Variants in COL6A2 observed in about 807,000 individuals in gnomAD.
The protein encoded by COL6A2 is collagen type VI alpha 2 chain.
In COL6A2, 90 loss-of-function variants were observed where a neutral mutation model predicts 124.9. The ratio of observed to expected loss-of-function variants is 0.72; its 90% CI spans 0.61 to 0.86. The LOEUF (loss-of-function observed/expected upper bound fraction) is 0.86. Ranked by LOEUF, COL6A2 falls within the 40% of genes least tolerant of loss-of-function variation. COL6A2 has a pLI of 0.00. For synonymous variants in COL6A2, 793 were observed against 618.2 expected (o/e 1.28, Z -4.19); for missense variants, 1,607 against 1,502.5 (o/e 1.07, Z -1.15).
chr21:46,125,250 G>T lies in COL6A2; in HGVS notation c.1771-16G>T. On this transcript the variant is annotated splice_polypyrimidine_tract_variant and intron_variant, in intron 23 of 27. Transcript: ENST00000300527. ...GGGCCCCGGGGGGACTACCCTGCCT[G>T]CCGTGTGCATTGCAGGAGTGTGACG... 1.2e-6 allele frequency: 2 copies of T among 1,611,460 alleles called. No individual in the cohort carries two copies. Among genetic ancestry groups the T allele is most frequent in the Non-Finnish European group, 1.7e-6 (2 of 1,179,024 alleles).
intron 27 of COL6A2, among the ~76,000 whole-genome samples, chr21:46,127,233 A>AGACAGGGTG (rs2078685367): frequency 6.6e-6 from 1 of 152,028 alleles, no homozygotes; most frequent in East Asian, 1.9e-4. Context: ...GATGCCATGG[A>AGACAGGGTG]GACAGGGTGG....
intron 17 of COL6A2, 32 bp downstream of exon 17, chr21:46,121,155 T>C: frequency 6.2e-7 from 1 of 1,608,588 alleles, no homozygotes. Flanking sequence ...CGGTGCCCTC[T>C]GACCCCACGG....
rs1163833370 is a variant in COL6A2, at chr21:46,116,147, G to A, written c.900+94G>A. ...GCCCAGCCTCGGCCTCAGCCTCTAC[G>A]ACCCTCCCCCCAGTTACCAAGGAAC... On this transcript the variant is annotated intron_variant, in intron 7 of 27. Coordinates refer to ENST00000300527, the MANE Select transcript of COL6A2 (RefSeq NM_001849.4). This position sits in a 1 kb window ranked among gnomAD's most constrained non-coding sequence, Gnocchi z 4.6. The A allele has an allele frequency of 1.9e-5, 25 of 1,325,828 alleles. No individual in the cohort carries two copies. Among genetic ancestry groups the A allele is most frequent in the Non-Finnish European group, 2.3e-5 (22 of 944,904 alleles). The allele number at this position is 1,325,828 out of a possible 1,614,324, so 82.1% of individuals were successfully genotyped here. A position where few individuals can be genotyped will look rare whatever the true frequency, so the allele number is the denominator to read the frequency against.
chr21:46,116,923 G>GCAGACACA lies in COL6A2; in HGVS notation c.999+111_999+112insGACACACA. The GCAGACACA allele has an allele frequency of 1.6e-6, 1 of 643,324 alleles. No homozygotes were observed. The highest frequency in any genetic ancestry group is 2.5e-6 in the Non-Finnish European group (1 of 401,796). The allele number at this position is 643,324 out of a possible 1,614,324, so 39.9% of individuals were successfully genotyped here. On this transcript the variant is annotated intron_variant, in intron 10 of 27. Coordinates refer to ENST00000300527, the MANE Select transcript of COL6A2 (RefSeq NM_001849.4). This position sits in a 1 kb window ranked among gnomAD's most constrained non-coding sequence, Gnocchi z 4.6. Reference sequence around the variant, plus strand: ...TGTCAGCTTACACATGTGTACACACGCATACACACACACACACACACACAC... The same window carrying GCAGACACA: ...TGTCAGCTTACACATGTGTACACACGCAGACACACATACACACACACACACACACACAC...
At chr21:46,127,923 G>C (rs1209981741) in intron 27 of COL6A2, among the ~76,000 whole-genome samples, 1 of 152,220 alleles carries the variant, frequency 6.6e-6, no homozygotes, top group Non-Finnish European at 1.5e-5. Flanking sequence ...CCAGCCCTGC[G>C]TGCCCGGGAT....
At chr21:46,129,731 A>C in intron 27 of COL6A2, 1 of 1,384,944 alleles carries the variant, frequency 7.2e-7, no homozygotes, top group Non-Finnish European at 9.3e-7. Context: ...CGCTCTCTTT[A>C]TAAGAACCCT....
intron 1 of COL6A2, among the ~76,000 whole-genome samples, chr21:46,105,952 G>C (rs1407167447): frequency 1.3e-5 from 2 of 152,186 alleles, no homozygotes; most frequent in Admixed American, 6.5e-5. Context: ...AATGGATTTA[G>C]AAAGCCAAAT....
At position 46,121,069 on chromosome 21, in the gene COL6A2, A is replaced by G; in HGVS notation, c.1404A>G (p.Arg468=). 1.2e-6 allele frequency: 2 copies of G among 1,612,732 alleles called. No homozygotes were observed. Among genetic ancestry groups the G allele is most frequent in the Non-Finnish European group, 1.7e-6 (2 of 1,179,912 alleles). The change falls in exon 17 of 28, where the codon CGA becomes CGG. Residue 468 remains arginine, a synonymous_variant. Coordinates refer to ENST00000300527, the MANE Select transcript of COL6A2 (RefSeq NM_001849.4). Reference sequence around the variant, plus strand: ...CCTCCCCTTTCTTCCAGGGAGACCGAGGCTTGCCTGGACCCAGAGGCCCCC... The same window carrying G: ...CCTCCCCTTTCTTCCAGGGAGACCGGGGCTTGCCTGGACCCAGAGGCCCCC... ...EVGNKGAKGD[R]GLPGPRGPQG...
chr21:46,128,215 T>A (rs1339369006), intron 27 of COL6A2, among the ~76,000 whole-genome samples: 1 of 152,094 alleles, frequency 6.6e-6, no homozygotes, highest in Admixed American at 6.5e-5. Flanking sequence ...CGGAGGCCCT[T>A]GAAGCTCTGG....
chr21:46,129,568 T>G, intron 27 of COL6A2: 3 of 1,462,690 alleles, frequency 2.1e-6, no homozygotes, highest in Non-Finnish European at 2.7e-6. Context: ...ACAGGCTGGC[T>G]CTCAGTGGAG....
At chr21:46,125,018 AGCAAGATCAGTGGAGGAGGTCAGAGG>A in intron 23 of COL6A2, 98 bp downstream of exon 23, 2 of 1,457,696 alleles carry the variant, frequency 1.4e-6, no homozygotes, top group Non-Finnish European at 1.9e-6. Flanking sequence ...ACGGTCAGAG[AGCAAGATCAGTGGAGGAGGTCAGAGG>A]GCAAGGTCAG....
chr21:46,117,491 AG>A, intron 11 of COL6A2, 38 bp downstream of exon 11: 1 of 1,605,388 alleles, frequency 6.2e-7, no homozygotes. Context: ...GCCTCGGCCC[AG>A]GGGGTGTGGG....
At position 46,132,710 on chromosome 21, in the gene COL6A2, C is replaced by CCCCGGT. The variant is rs2078779988; in HGVS notation, c.*161_*162insGGTCCC. The CCCCGGT allele has an allele frequency of 1.9e-5, 14 of 744,404 alleles. 1 individual carries two copies. In the South Asian group the frequency reaches 2.4e-4, roughly 13 times the overall value. The allele number at this position is 744,404 out of a possible 1,614,324, so 46.1% of individuals were successfully genotyped here. On this transcript the variant is annotated 3_prime_UTR_variant, in exon 28 of 28. Transcript: ENST00000300527. ...TCCCACGGGGTCCCCGTAGCCCCGG[C>CCCCGGT]CCCCGCCCAGCCCCAGGTCTCCCCA...
At position 46,122,516 on chromosome 21, in the gene COL6A2, C is replaced by T. The variant is rs1394972929; in HGVS notation, c.1593C>T (p.Gly531=). Residue 531 remains glycine, a synonymous_variant, in exon 20 of 28, where the codon GGC becomes GGT. Transcript: ENST00000300527. ...CACAGGGAGAAAAAGGCGAGCCCGG[C>T]CCACGCGGCCCCGAGGTATGTGTGG... ...RGAPGEKGEP[G]PRGPEGGRGD... is the part of the protein sequence containing the mutation. 6.2e-7 allele frequency: 1 copy of T among 1,612,764 alleles called. No individual in the cohort carries two copies. The highest frequency in any genetic ancestry group is 1.7e-5 in the Admixed American group (1 of 60,014).
intron 1 of COL6A2, among the ~76,000 whole-genome samples, chr21:46,110,562 A>C (rs1415864610): frequency 6.6e-6 from 1 of 151,254 alleles, no homozygotes; most frequent in African/African-American, 2.4e-5. Context: ...CACCTCATCC[A>C]CTCCAGACGC....
At chr21:46,101,042 A>T (rs1210211251) in intron 1 of COL6A2, among the ~76,000 whole-genome samples, 1 of 152,152 alleles carries the variant, frequency 6.6e-6, no homozygotes, top group Non-Finnish European at 1.5e-5. Flanking sequence ...GTTTCTCCAC[A>T]TCTGCACCAA....
At position 46,132,358 on chromosome 21, in the gene COL6A2, A is replaced by T; in HGVS notation, c.2866A>T (p.Ser956Cys). The change falls in exon 28 of 28, where the codon AGT (serine) becomes TGT (cysteine). Residue 956 changes from serine (S) to cysteine (C), a missense_variant. This residue lies in a region of COL6A2 where 1,223 missense variants were observed against 1,052.2 expected (regional missense o/e 1.16). Transcript: ENST00000300527. The stretch of plus-strand genomic sequence containing the variant: ...CACGGACGGCGTCACGGGCAACGAC[A>T]GTCTGCACGAGTCGGCGCACTCCAT... ...FLTDGVTGND[S>C]LHESAHSMRK... 2 of 1,608,900 alleles carry T rather than the reference A, an allele frequency of 1.2e-6. No homozygotes were observed. Among genetic ancestry groups the T allele is most frequent in the Non-Finnish European group, 1.7e-6 (2 of 1,179,560 alleles).
In COL6A2 at chr21:46,116,956, C is replaced by T. The variant is rs966228119; in HGVS notation, c.999+142C>T. 1.5e-5 allele frequency: 12 copies of T among 813,334 alleles called. No homozygotes were observed. The highest frequency in any genetic ancestry group is 1.2e-4 in the African/African-American group (7 of 58,334). The allele number at this position is 813,334 out of a possible 1,614,324, so 50.4% of individuals were successfully genotyped here. ...ACACACACACACACACACACACACA[C>T]GAACTTCAGCTCCTGCCACATCCCA... On this transcript the variant is annotated intron_variant, in intron 10 of 27. Transcript: ENST00000300527. The surrounding 1 kb of genome is among the most constrained non-coding windows in gnomAD (Gnocchi z 4.6).
At chr21:46,114,957 G>A (rs1268170412) in intron 5 of COL6A2, among the ~76,000 whole-genome samples, 1 of 152,244 alleles carries the variant, frequency 6.6e-6, no homozygotes, top group African/African-American at 2.4e-5. Flanking sequence ...TTCTAAATTT[G>A]GATAACAGCT....
Sources: gnomAD v4.1 joint callset for allele counts (sites outside exome capture counted in the v4.1 genomes callset) on GRCh38, gnomAD v4.1.1 for gene constraint, gnomAD v4.1.1 regional missense constraint, Gnocchi (gnomAD v3.1) non-coding constraint, MANE v1.5 for transcripts, NCBI Gene and HGNC (gene_info 2026-07-23, HGNC 2026-07-21) for gene names.